PCSK2: variants seen among roughly 807,000 people sequenced by gnomAD.
The protein encoded by PCSK2 is proprotein convertase subtilisin/kexin type 2, also known as neuroendocrine convertase 2.
In PCSK2, 14 loss-of-function variants were observed where a neutral mutation model predicts 69.7. The ratio of observed to expected loss-of-function variants is 0.20; its 90% CI spans 0.13 to 0.31. PCSK2 has a LOEUF of 0.31. Ranked by LOEUF, PCSK2 falls within the 10% of genes least tolerant of loss-of-function variation. The pLI, the probability that PCSK2 is intolerant of heterozygous loss-of-function variation, is 1.00. For synonymous variants in PCSK2, 307 were observed against 320.7 expected, an observed-to-expected ratio of 0.96 and a Z score of 0.46; for missense variants, 544 against 842.5, an observed-to-expected ratio of 0.65 and a Z score of 4.39.
chr20:17,446,006 T>C (rs1473512077), intron 8 of PCSK2, among the ~76,000 whole-genome samples: 1 of 152,224 alleles, frequency 6.6e-6, no homozygotes, highest in Non-Finnish European at 1.5e-5. Flanking sequence ...CCCTCAATCC[T>C]GGGCAAACCA....
intron 5 of PCSK2, among the ~76,000 whole-genome samples, chr20:17,405,346 A>G (rs1176305768): frequency 6.6e-6 from 1 of 152,196 alleles, no homozygotes; most frequent in East Asian, 1.9e-4. Flanking sequence ...GAGGCATTAA[A>G]TTCCAGATTT....
At chr20:17,432,683 CAAT>C (rs1208962012) in intron 7 of PCSK2, among the ~76,000 whole-genome samples, 1 of 152,154 alleles carries the variant, frequency 6.6e-6, no homozygotes, top group Non-Finnish European at 1.5e-5. Context: ...GTACCACAAA[CAAT>C]GACCTTCCAA....
At chr20:17,457,638 A>T (rs1250838421) in intron 10 of PCSK2, among the ~76,000 whole-genome samples, 1 of 152,200 alleles carries the variant, frequency 6.6e-6, no homozygotes, top group East Asian at 1.9e-4. Context: ...CACAGAAAAC[A>T]AAATTTACTC....
chr20:17,388,702 C>T (rs552362233), intron 5 of PCSK2, among the ~76,000 whole-genome samples: 2 of 152,170 alleles, frequency 1.3e-5, no homozygotes, highest in South Asian at 4.2e-4. Flanking sequence ...AAGCCTCGCT[C>T]CACCACCAGC....
At chr20:17,283,607 C>T (rs1160932692) in intron 2 of PCSK2, among the ~76,000 whole-genome samples, 5 of 152,174 alleles carry the variant, frequency 3.3e-5, no homozygotes, top group African/African-American at 7.2e-5. Flanking sequence ...TTAGGTCAGG[C>T]CTAATTTCTA....
intron 2 of PCSK2, among the ~76,000 whole-genome samples, chr20:17,328,304 T>C (rs1990119053): frequency 6.6e-6 from 1 of 151,140 alleles, no homozygotes; most frequent in Admixed American, 6.6e-5. Flanking sequence ...CCCATGTATG[T>C]GTGTGTGTAT....
chr20:17,297,320 GAGA>G (rs1411613201), intron 2 of PCSK2, among the ~76,000 whole-genome samples: 1 of 152,254 alleles, frequency 6.6e-6, no homozygotes, highest in Non-Finnish European at 1.5e-5. Flanking sequence ...AGAGGGAAGT[GAGA>G]AGATCTGGGA....
At chr20:17,348,622 A>T (rs553882630) in intron 2 of PCSK2, among the ~76,000 whole-genome samples, 2 of 152,192 alleles carry the variant, frequency 1.3e-5, no homozygotes, top group South Asian at 4.1e-4. Flanking sequence ...ACAGAAATGT[A>T]TGGAGGTAAA....
intron 2 of PCSK2, among the ~76,000 whole-genome samples, chr20:17,339,102 A>T (rs1292935794): frequency 6.6e-6 from 1 of 152,194 alleles, no homozygotes; most frequent in East Asian, 1.9e-4. Context: ...CTTCTTAGGG[A>T]TACACAGCAC....
chr20:17,405,273 C>G (rs1031802697), intron 5 of PCSK2, among the ~76,000 whole-genome samples: 1 of 152,224 alleles, frequency 6.6e-6, no homozygotes, highest in Non-Finnish European at 1.5e-5. Flanking sequence ...TCCCCTACAT[C>G]AAGCTGGTAC....
At chr20:17,314,734 T>A (rs990925368) in intron 2 of PCSK2, among the ~76,000 whole-genome samples, 1 of 152,218 alleles carries the variant, frequency 6.6e-6, no homozygotes, top group African/African-American at 2.4e-5. Context: ...ATTGATTTTT[T>A]AAGATCCTTT....
chr20:17,482,991 G>A lies in PCSK2; in HGVS notation c.*921G>A, dbSNP rs1225591889. 2 of 151,638 alleles carry A rather than the reference G, an allele frequency of 1.3e-5. No homozygotes were observed. The highest frequency in any genetic ancestry group is 2.4e-5 in the African/African-American group (1 of 41,296). 9.4% of individuals were successfully genotyped at this position (151,638 alleles called of 1,614,324 possible). A position where few individuals can be genotyped will look rare whatever the true frequency, so the allele number is the denominator to read the frequency against. ...GTCCCTTTTCCTAAGTCACTTTGAG[G>A]TGTCTCAATCTGATCTGAGTGAGAG... On this transcript the variant is annotated 3_prime_UTR_variant, in exon 12 of 12. Transcript: ENST00000262545.
At chr20:17,249,504 C>CAAAA (rs56315843) in intron 1 of PCSK2, among the ~76,000 whole-genome samples, 3 of 112,324 alleles carry the variant, frequency 2.7e-5, no homozygotes, top group African/African-American at 7.0e-5. Context: ...GACTCTGTCT[C>CAAAA]AAAAAAAAAA....
At chr20:17,369,857 G>A (rs955904735) in intron 5 of PCSK2, among the ~76,000 whole-genome samples, 2 of 152,226 alleles carry the variant, frequency 1.3e-5, no homozygotes, top group Non-Finnish European at 2.9e-5. Flanking sequence ...TCACATTGCA[G>A]CCCCAGCTTT....
At chr20:17,239,039 G>A (rs1051616525) in intron 1 of PCSK2, among the ~76,000 whole-genome samples, 19 of 152,194 alleles carry the variant, frequency 1.2e-4, no homozygotes, top group African/African-American at 4.6e-4. Context: ...AGTATGCTAG[G>A]AAGGGTTATA....
chr20:17,381,046 C>G (rs74181952), intron 5 of PCSK2, among the ~76,000 whole-genome samples: 12,807 of 152,244 alleles, frequency 0.084, 680 homozygotes, highest in Non-Finnish European at 0.12. Flanking sequence ...TACATTAGAG[C>G]GGTCTGGAGC....
intron 2 of PCSK2, among the ~76,000 whole-genome samples, chr20:17,352,386 G>A (rs765576026): frequency 6.6e-6 from 1 of 152,168 alleles, no homozygotes; most frequent in Non-Finnish European, 1.5e-5. Flanking sequence ...AGCCCGAATA[G>A]CCAAAGCAAT....
At position 17,445,469 on chromosome 20, in the gene PCSK2, G is replaced by A. The variant is rs1036519636; in HGVS notation, c.886-8273G>A. ...GTACAGATGAGACAGCGCATTGATT[G>A]TTTACTCCCTAAGGGGCTGCAAAGG... is the stretch of plus-strand genomic sequence containing the variant. On this transcript the variant is annotated intron_variant, in intron 8 of 11. Coordinates refer to ENST00000262545, the MANE Select transcript of PCSK2 (RefSeq NM_002594.5). Among the ~76,000 whole-genome samples, 6 of 152,354 alleles carry A rather than the reference G, an allele frequency of 3.9e-5. No homozygotes were observed. The South Asian group carries it at 1.2e-3, about 32-fold the overall frequency.
intron 2 of PCSK2, chr20:17,263,002 C>T (rs1987449381): frequency 5.0e-6 from 1 of 200,228 alleles, no homozygotes; most frequent in Non-Finnish European, 8.9e-6. Flanking sequence ...TCACTGTCTA[C>T]AGGCTTGTGG....
Sources: allele counts gnomAD v4.1 joint callset (sites outside exome capture counted in the v4.1 genomes callset), GRCh38; gene constraint gnomAD v4.1.1; transcripts MANE v1.5; gene names NCBI Gene and HGNC (gene_info 2026-07-23, HGNC 2026-07-21).